Variants in ADAM22 observed in about 807,000 individuals in gnomAD.
The protein encoded by ADAM22 is ADAM metallopeptidase domain 22, also known as disintegrin and metalloproteinase domain-containing protein 22.
In ADAM22, 65 loss-of-function variants were observed where a neutral mutation model predicts 144.6. The ratio of observed to expected loss-of-function variants is 0.45; its 90% CI spans 0.37 to 0.55. ADAM22 has a LOEUF of 0.55. Among genes scored for constraint, ADAM22 ranks in the 20% least tolerant of loss-of-function variants. The probability of loss-of-function intolerance (pLI) is 0.00; values close to 1 mark genes in which losing one functional copy is unlikely to be tolerated. For missense variants in ADAM22, 974 were observed against 1,184.9 expected, an observed-to-expected ratio of 0.82 and a Z score of 2.61; for synonymous variants, 391 against 412.6, an observed-to-expected ratio of 0.95 and a Z score of 0.63.
intron 3 of ADAM22, among the ~76,000 whole-genome samples, chr7:88,038,439 A>G (rs1802046899): frequency 6.6e-6 from 1 of 150,544 alleles, no homozygotes; most frequent in Non-Finnish European, 1.5e-5. Flanking sequence ...AGAATGATAC[A>G]TCTCTGCTAT....
chr7:88,168,076 A>G, intron 24 of ADAM22, 61 bp from the exon 25 acceptor site: 4 of 1,430,166 alleles, frequency 2.8e-6, no homozygotes, highest in Non-Finnish European at 3.9e-6. Context: ...AAACTGAACA[A>G]TAAAGTTTCT....
rs966021609 is a variant in ADAM22 at position 88,123,205 on chromosome 7, A to G, written c.608-2384A>G. 2.9e-4 allele frequency among the ~76,000 whole-genome samples: 44 copies of G among 152,244 alleles called. 1 individual carries two copies. Among genetic ancestry groups the G allele is most frequent in the Admixed American group, 2.4e-3 (36 of 15,284 alleles). ...AAGCATTTGTAAAATATAGGTTCAGAAAGCATATTGGACTGTAGTTTTCTT... is the reference window on the plus strand; with the variant it reads ...AAGCATTTGTAAAATATAGGTTCAGGAAGCATATTGGACTGTAGTTTTCTT... On this transcript the variant is annotated intron_variant, in intron 7 of 31. Transcript: ENST00000413139.
At chr7:88,093,434 A>G (rs554091964) in intron 4 of ADAM22, among the ~76,000 whole-genome samples, 4 of 152,300 alleles carry the variant, frequency 2.6e-5, no homozygotes, top group South Asian at 2.1e-4. Flanking sequence ...AATATATACT[A>G]TTGGTATTGA....
chr7:87,968,339 C>T (rs192387859), intron 2 of ADAM22, among the ~76,000 whole-genome samples: 62 of 152,242 alleles, frequency 4.1e-4, no homozygotes, highest in African/African-American at 1.2e-3. Flanking sequence ...GTATCAGAAT[C>T]GCTGAATTTG....
At chr7:87,988,535 A>C (rs1789000922) in intron 3 of ADAM22, among the ~76,000 whole-genome samples, 1 of 152,174 alleles carries the variant, frequency 6.6e-6, no homozygotes, top group African/African-American at 2.4e-5. Context: ...TTTTATCGGA[A>C]GGTATTTCCA....
At chr7:87,959,373 C>CT (rs919044722) in intron 2 of ADAM22, among the ~76,000 whole-genome samples, 5 of 151,108 alleles carry the variant, frequency 3.3e-5, no homozygotes, top group Non-Finnish European at 3.0e-5. Flanking sequence ...ATGTTAGCTC[C>CT]TTTTTTTTTA....
intron 3 of ADAM22, among the ~76,000 whole-genome samples, chr7:88,039,639 G>C (rs1414151454): frequency 3.3e-5 from 5 of 150,290 alleles, no homozygotes; most frequent in African/African-American, 1.2e-4. Flanking sequence ...CTGTGTGTCT[G>C]TGTGTCTGTG....
chr7:88,054,067 G>T (rs1172914184), intron 3 of ADAM22, among the ~76,000 whole-genome samples: 4 of 152,148 alleles, frequency 2.6e-5, no homozygotes, highest in Admixed American at 1.3e-4. Context: ...GGGAGGTGAA[G>T]GTTGCAGAGA....
At chr7:88,172,385 C>T (rs926503538) in intron 26 of ADAM22, among the ~76,000 whole-genome samples, 13 of 151,792 alleles carry the variant, frequency 8.6e-5, no homozygotes, top group Admixed American at 4.6e-4. Context: ...AAACTGATAA[C>T]CTAGACCAGG....
At chr7:88,024,628 G>A (rs924309672) in intron 3 of ADAM22, among the ~76,000 whole-genome samples, 3 of 151,206 alleles carry the variant, frequency 2.0e-5, no homozygotes, top group East Asian at 1.9e-4. Flanking sequence ...GTATACATAC[G>A]CCATGTTGGT....
chr7:88,174,900 T>C (rs1845263152), intron 26 of ADAM22, among the ~76,000 whole-genome samples: 1 of 152,088 alleles, frequency 6.6e-6, no homozygotes, highest in African/African-American at 2.4e-5. Context: ...TATATTATTA[T>C]TATTATTTCG....
chr7:88,161,354 A>G (rs1841590221), intron 22 of ADAM22, among the ~76,000 whole-genome samples: 2 of 152,120 alleles, frequency 1.3e-5, no homozygotes, highest in South Asian at 4.1e-4. Context: ...TAAAACTCAA[A>G]AGTATAAAAA....
At chr7:87,958,582 C>T (rs996298203) in intron 2 of ADAM22, among the ~76,000 whole-genome samples, 1 of 152,034 alleles carries the variant, frequency 6.6e-6, no homozygotes, top group African/African-American at 2.4e-5. Context: ...GATGGGGTTT[C>T]ACCATGTTGG....
At chr7:88,161,370 G>A (rs865857066) in intron 22 of ADAM22, among the ~76,000 whole-genome samples, 15 of 151,970 alleles carry the variant, frequency 9.9e-5, no homozygotes, top group Middle Eastern at 3.2e-3. Context: ...AAAAACCCTG[G>A]AAGACAACTT....
chr7:88,052,432 G>A (rs1033234549), intron 3 of ADAM22, among the ~76,000 whole-genome samples: 33 of 151,278 alleles, frequency 2.2e-4, no homozygotes, highest in African/African-American at 7.3e-4. Flanking sequence ...CCCGGGAGGC[G>A]TAACTTGCAG....
Position 88,100,426 on chromosome 7 carries a change from A to T in ADAM22, c.391-7750A>T, listed in dbSNP as rs1165992992. Among the ~76,000 whole-genome samples, 15 of 152,126 alleles carry T rather than the reference A, an allele frequency of 9.9e-5. No homozygotes were observed. In the East Asian group the frequency reaches 2.9e-3, roughly 29 times the overall value. ...CCTCACTTAATTTTAATTTACTGTA[A>T]ATGAGAGGAAATAATCTTTTCACTT... On this transcript the variant is annotated intron_variant, in intron 4 of 31. Coordinates refer to ENST00000413139, the MANE Select transcript of ADAM22 (RefSeq NM_001324418.2).
intron 8 of ADAM22, among the ~76,000 whole-genome samples, chr7:88,127,043 A>G (rs781548696): frequency 2.6e-5 from 4 of 151,740 alleles, no homozygotes; most frequent in Non-Finnish European, 4.4e-5. Flanking sequence ...TGTGACCTTT[A>G]TAAGTGTTGT....
chr7:88,038,620 A>G (rs1802123312), intron 3 of ADAM22, among the ~76,000 whole-genome samples: 1 of 151,440 alleles, frequency 6.6e-6, no homozygotes, highest in Non-Finnish European at 1.5e-5. Flanking sequence ...ATGCCCGGCT[A>G]ATTTTTGTAT....
intron 7 of ADAM22, among the ~76,000 whole-genome samples, chr7:88,121,174 C>T (rs567778366): frequency 2.0e-4 from 30 of 152,170 alleles, no homozygotes; most frequent in African/African-American, 5.5e-4. Flanking sequence ...AATCAAATAA[C>T]GTAAATCCTC....
Sources: gnomAD v4.1 joint callset for allele counts (sites outside exome capture counted in the v4.1 genomes callset) on GRCh38, gnomAD v4.1.1 for gene constraint, MANE v1.5 for transcripts, NCBI Gene and HGNC (gene_info 2026-07-23, HGNC 2026-07-21) for gene names.